BTC: variants seen among roughly 807,000 people sequenced by gnomAD.
The protein encoded by BTC is probetacellulin.
Under a neutral mutation model 18.1 loss-of-function variants are expected in BTC, and 13 were observed. That is an observed-to-expected ratio of 0.72 (90% CI 0.47 to 1.14). The LOEUF (loss-of-function observed/expected upper bound fraction) is 1.14. Ranked by LOEUF, BTC falls within the 50% of genes most tolerant of loss-of-function variation. The pLI is 0.00. For synonymous variants in BTC, 83 were observed against 79.4 expected (o/e 1.05, Z -0.24); for missense variants, 247 against 224.2 (o/e 1.10, Z -0.65).
intron 1 of BTC, among the ~76,000 whole-genome samples, chr4:74,776,097 C>T (rs1317965086): frequency 1.3e-5 from 2 of 152,096 alleles, no homozygotes; most frequent in African/African-American, 2.4e-5. Context: ...AATGAAGCTC[C>T]TCTATTTTTT....
intron 1 of BTC, among the ~76,000 whole-genome samples, chr4:74,788,126 T>A (rs1391133114): frequency 6.6e-6 from 1 of 152,218 alleles, no homozygotes; most frequent in African/African-American, 2.4e-5. Context: ...CTCCAATTCC[T>A]AGGATATCCT....
chr4:74,757,497 T>C (rs1724631476), intron 2 of BTC, among the ~76,000 whole-genome samples: 1 of 152,226 alleles, frequency 6.6e-6, no homozygotes, highest in Non-Finnish European at 1.5e-5. Flanking sequence ...CAGAAATAAC[T>C]GCAAAATGTA....
intron 3 of BTC, among the ~76,000 whole-genome samples, chr4:74,752,786 T>G (rs1553956326): frequency 6.6e-6 from 1 of 152,230 alleles, no homozygotes; most frequent in East Asian, 1.9e-4. Context: ...TAAATATTCC[T>G]CTAACAAATT....
rs148442541 is a variant in BTC at position 74,750,589 on chromosome 4, C to A, written c.412G>T (p.Val138Phe). 98 of 1,613,066 alleles carry A rather than the reference C, an allele frequency of 6.1e-5. 1 individual carries two copies. In the African/African-American group the frequency reaches 1.2e-3, roughly 20 times the overall value. ...AATACTTACTGACAGCATGTGCAGA[C>A]ACCGATGACCAAAATAATAAAAACT... ...MVVFIILVIG[V>F]CTCCHPLRKR... Residue 138 changes from valine (V) to phenylalanine (F), a missense_variant, in exon 4 of 6, where the codon GTC becomes TTC. Val to Phe is a conservative substitution (Grantham distance 50). Transcript: ENST00000395743.
At chr4:74,779,678 G>A (rs1725267349) in intron 1 of BTC, among the ~76,000 whole-genome samples, 1 of 152,074 alleles carries the variant, frequency 6.6e-6, no homozygotes, top group African/African-American at 2.4e-5. Context: ...GTGATAACAT[G>A]GTCTCTGACC....
chr4:74,757,448 T>A (rs541995145), intron 2 of BTC, among the ~76,000 whole-genome samples: 2 of 152,254 alleles, frequency 1.3e-5, no homozygotes, highest in East Asian at 3.9e-4. Context: ...TTGATACATG[T>A]CAACCAATGA....
intron 2 of BTC, among the ~76,000 whole-genome samples, chr4:74,765,607 A>G (rs1187561132): frequency 6.6e-6 from 1 of 152,180 alleles, no homozygotes; most frequent in Non-Finnish European, 1.5e-5. Context: ...AATCTAAGGA[A>G]AGAAATGTAC....
chr4:74,748,318 G>T lies in BTC; in HGVS notation c.429-169C>A, dbSNP rs559289043. The stretch of plus-strand genomic sequence containing the variant: ...AATCCCAGCACTTTGGGAGGCCGAG[G>T]CAGGTGGATCACAAGGTCAGGAGAT... On this transcript the variant is annotated intron_variant, in intron 4 of 5. Transcript: ENST00000395743. Among the ~76,000 whole-genome samples, 9 of 152,278 alleles carry T rather than the reference G, an allele frequency of 5.9e-5. No homozygotes were observed. The South Asian group carries it at 1.2e-3, about 21-fold the overall frequency.
At chr4:74,757,633 C>G (rs1724636120) in intron 2 of BTC, among the ~76,000 whole-genome samples, 2 of 152,194 alleles carry the variant, frequency 1.3e-5, no homozygotes, top group Admixed American at 1.3e-4. Flanking sequence ...GATACCTTAT[C>G]TTACTATTTA....
rs1273301647 is a variant in BTC at position 74,794,291 on chromosome 4, G to A, written c.35C>T (p.Ser12Phe). ...GGCAAGGGCCAGGAGCAGTGGCAGG[G>A]AGCTGGCGCCGCTGCACCGGGCGGC... is the stretch of plus-strand genomic sequence containing the variant. Reference protein sequence around the residue: ...DRAARCSGASSLPLLLALALG... With the variant: ...DRAARCSGASFLPLLLALALG... The change falls in exon 1 of 6, where the codon TCC becomes TTC. Residue 12 changes from serine (S) to phenylalanine (F), a missense_variant. Ser to Phe is a radical substitution (Grantham distance 155). Transcript: ENST00000395743. 5 of 1,549,288 alleles carry A rather than the reference G, an allele frequency of 3.2e-6. No homozygotes were observed. Among genetic ancestry groups the A allele is most frequent in the African/African-American group, 2.7e-5 (2 of 73,128 alleles).
Position 74,745,845 on chromosome 4 carries a change from G to A in BTC, c.*832C>T, listed in dbSNP as rs1724273927. 1 of 152,154 alleles carries A rather than the reference G, an allele frequency of 6.6e-6. No individual in the cohort carries two copies. The highest frequency in any genetic ancestry group is 2.4e-5 in the African/African-American group (1 of 41,432). 9.4% of individuals were successfully genotyped at this position (152,154 alleles called of 1,614,324 possible). A position where few individuals can be genotyped will look rare whatever the true frequency, so the allele number is the denominator to read the frequency against. ...TTTTCCATCTCTATTCATTTCCCTA[G>A]TTATGGGGCCAATCTATTTGCTTTA... is the stretch of plus-strand genomic sequence containing the variant. On this transcript the variant is annotated 3_prime_UTR_variant, in exon 6 of 6. Transcript: ENST00000395743.
At chr4:74,769,798 T>C (rs765694738) in intron 2 of BTC, among the ~76,000 whole-genome samples, 4 of 152,176 alleles carry the variant, frequency 2.6e-5, no homozygotes, top group Non-Finnish European at 5.9e-5. Context: ...GACCTGCATT[T>C]GAATTCCAGA....
intron 1 of BTC, among the ~76,000 whole-genome samples, chr4:74,793,160 T>G (rs1392148865): frequency 6.6e-6 from 1 of 152,242 alleles, no homozygotes; most frequent in African/African-American, 2.4e-5. Context: ...ACACATTCAC[T>G]CTACCACTAA....
At chr4:74,788,659 A>G (rs928160549) in intron 1 of BTC, among the ~76,000 whole-genome samples, 1 of 152,192 alleles carries the variant, frequency 6.6e-6, no homozygotes, top group Non-Finnish European at 1.5e-5. Context: ...CTTCCTCACT[A>G]TCACGTGTTT....
At chr4:74,768,969 A>G (rs960686875) in intron 2 of BTC, among the ~76,000 whole-genome samples, 19 of 152,058 alleles carry the variant, frequency 1.2e-4, no homozygotes, top group African/African-American at 4.3e-4. Flanking sequence ...GACCTAAGAC[A>G]CCATTAGATT....
At chr4:74,792,008 A>ACACACACACACACACAC (rs1560728322) in intron 1 of BTC, among the ~76,000 whole-genome samples, 1 of 105,362 alleles carries the variant, frequency 9.5e-6, no homozygotes, top group African/African-American at 3.8e-5. Context: ...CACACACACA[A>ACACACACACACACACAC]ACACTAGTGT....
At chr4:74,775,178 T>C (rs543469068) in intron 1 of BTC, among the ~76,000 whole-genome samples, 4 of 152,164 alleles carry the variant, frequency 2.6e-5, no homozygotes, top group African/African-American at 9.6e-5. Context: ...ATCCACAACT[T>C]TGGAGCAAAG....
At chr4:74,777,613 A>G (rs138206083) in intron 1 of BTC, among the ~76,000 whole-genome samples, 74 of 152,270 alleles carry the variant, frequency 4.9e-4, no homozygotes, top group African/African-American at 1.7e-3. Flanking sequence ...CTTCTTTCTA[A>G]TTTTTGGAAG....
chr4:74,784,727 T>A (rs924663264), intron 1 of BTC, among the ~76,000 whole-genome samples: 1 of 152,196 alleles, frequency 6.6e-6, no homozygotes, highest in South Asian at 2.1e-4. Flanking sequence ...TGAATCACAT[T>A]TATTGATTTG....
Sources: gnomAD v4.1 joint callset for allele counts (sites outside exome capture counted in the v4.1 genomes callset) on GRCh38, gnomAD v4.1.1 for gene constraint, MANE v1.5 for transcripts, NCBI Gene and HGNC (gene_info 2026-07-23, HGNC 2026-07-21) for gene names.